Variants in PM20D1 observed in about 807,000 individuals in gnomAD.
PM20D1 encodes N-fatty-acyl-amino acid synthase/hydrolase PM20D1.
Under a neutral mutation model 53.8 loss-of-function variants are expected in PM20D1, and 53 were observed. That is an observed-to-expected ratio of 0.98 (90% CI 0.79 to 1.24). The LOEUF (loss-of-function observed/expected upper bound fraction) is 1.24. Ranked by LOEUF, PM20D1 falls within the 50% of genes most tolerant of loss-of-function variation. The pLI, the probability that PM20D1 is intolerant of heterozygous loss-of-function variation, is 0.00. For missense variants in PM20D1, 564 were observed against 616.8 expected, an observed-to-expected ratio of 0.91 and a Z score of 0.91; for synonymous variants, 239 against 241.3, an observed-to-expected ratio of 0.99 and a Z score of 0.09.
intron 6 of PM20D1, among the ~76,000 whole-genome samples, 161 bp downstream of exon 6, chr1:205,843,506 T>A (rs866950580): frequency 6.6e-6 from 1 of 152,240 alleles, no homozygotes; most frequent in East Asian, 1.9e-4. Context: ...TAGTCTGTCC[T>A]GGGCTTCCCC....
rs35289636 is a variant in PM20D1, at chr1:205,831,566, C to CT, written c.1285+1031dup. Among the ~76,000 whole-genome samples, 313 of 127,852 alleles carry CT rather than the reference C, an allele frequency of 2.4e-3. 1 individual carries two copies. The highest frequency in any genetic ancestry group is 3.8e-3 in the Non-Finnish European group (222 of 58,934). The allele number at this position is 127,852 out of a possible 152,430, so 83.9% of individuals were successfully genotyped here. On this transcript the variant is annotated intron_variant, in intron 11 of 12. Coordinates refer to ENST00000367136, the MANE Select transcript of PM20D1 (RefSeq NM_152491.5). ...ATTATTATTGAGCAACGTCTCTCTC[C>CT]TTTTTTTTTTTTTTTTTGACAGAGT...
rs777075181 is a variant in PM20D1, at chr1:205,840,220, A to C, written c.1116+32T>G. On this transcript the variant is annotated intron_variant, in intron 10 of 12. Transcript: ENST00000367136. ...GAGGGCCACATCTCCCTGATGCTGC[A>C]TGAGTTGTTGTCTGGAACATATGGT... 9 of 1,589,460 alleles carry C rather than the reference A, an allele frequency of 5.7e-6. No homozygotes were observed. The South Asian group carries it at 9.0e-5, about 16-fold the overall frequency.
At chr1:205,849,182 C>T (rs1275927376) in intron 1 of PM20D1, among the ~76,000 whole-genome samples, 1 of 152,154 alleles carries the variant, frequency 6.6e-6, no homozygotes, top group Non-Finnish European at 1.5e-5. Context: ...AAGACTGGAG[C>T]TAAGCTGAAT....
Position 205,843,763 on chromosome 1 carries a change from G to A in PM20D1, c.731C>T (p.Ser244Phe). The change falls in exon 6 of 13, where the codon TCC becomes TTC. Residue 244 changes from serine to phenylalanine, a missense_variant. Transcript: ENST00000367136. ...IALIAVSEKG[S>F]MNLMLQVNMT... ...GTTTACTTGCAGCATGAGGTTCATG[G>A]AACCCTTCTCTGAGACTGCAATCCT... 1 of 1,614,120 alleles carries A rather than the reference G, an allele frequency of 6.2e-7. No homozygotes were observed.
At chr1:205,840,197 G>C in intron 10 of PM20D1, 55 bp downstream of exon 10, 1 of 1,529,020 alleles carries the variant, frequency 6.5e-7, no homozygotes, top group African/African-American at 1.4e-5. Flanking sequence ...CGGGCCCTGA[G>C]GGCCACATCT....
rs536176681 is a variant in PM20D1 at position 205,842,745 on chromosome 1, C to T, written c.834G>A (p.Glu278=). The T allele has an allele frequency of 7.4e-6, 12 of 1,613,996 alleles. No individual in the cohort carries two copies. The East Asian group carries it at 2.7e-4, about 36-fold the overall frequency. The stretch of plus-strand genomic sequence containing the variant: ...CAAATATGATAGGCATTGGTGTCTG[C>T]TCCAATCTGGAAGAGAAACAGAGTC... ...GILAAAVSRL[E]QTPMPIIFGS... is the part of the protein sequence containing the mutation. Residue 278 remains glutamate, a synonymous_variant, in exon 7 of 13, where the codon GAG becomes GAA. Coordinates refer to ENST00000367136, the MANE Select transcript of PM20D1 (RefSeq NM_152491.5).
At chr1:205,847,006 CT>C (rs778538865) in intron 2 of PM20D1, among the ~76,000 whole-genome samples, 1,947 of 44,626 alleles carry the variant, frequency 0.044, 11 homozygotes, top group Non-Finnish European at 0.051. Context: ...TCCTTCCTTT[CT>C]TTTTTTTTTT....
chr1:205,832,612 T>C lies in PM20D1; in HGVS notation c.1271A>G (p.Asn424Ser). The change falls in exon 11 of 13, where the codon AAT becomes AGT. Residue 424 changes from asparagine (N) to serine (S), a missense_variant. Transcript: ENST00000367136. Reference sequence around the variant, plus strand: ...GAAGTCATTACCTGGGGCAGTAATATTGACTTCCGGGAAGACGGACTGTAC... The same window carrying C: ...GAAGTCATTACCTGGGGCAGTAATACTGACTTCCGGGAAGACGGACTGTAC... ...QTVQSVFPEV[N>S]ITAPVTSIGN... 6.2e-7 allele frequency: 1 copy of C among 1,614,092 alleles called. No individual in the cohort carries two copies. The highest frequency in any genetic ancestry group is 8.5e-7 in the Non-Finnish European group (1 of 1,180,004).
chr1:205,835,405 C>T (rs932526543), intron 10 of PM20D1, among the ~76,000 whole-genome samples: 5 of 152,210 alleles, frequency 3.3e-5, no homozygotes, highest in African/African-American at 1.2e-4. Flanking sequence ...TGGTGGTGAC[C>T]ATTACTGGAG....
chr1:205,844,718 C>A, intron 4 of PM20D1, 93 bp downstream of exon 4: 2 of 1,171,434 alleles, frequency 1.7e-6, no homozygotes, highest in Non-Finnish European at 2.5e-6. Flanking sequence ...TCATGGAGAC[C>A]TTGCTGCTGT....
rs543861795 is a variant in PM20D1, at chr1:205,844,351, G to A, written c.577-134C>T. The A allele has an allele frequency of 8.6e-4, 936 of 1,093,214 alleles. 3 individuals carry two copies. Among genetic ancestry groups the A allele is most frequent in the Non-Finnish European group, 1.1e-3 (902 of 805,936 alleles). 67.7% of individuals were successfully genotyped at this position (1,093,214 alleles called of 1,614,324 possible). On this transcript the variant is annotated intron_variant, in intron 4 of 12. Coordinates refer to ENST00000367136, the MANE Select transcript of PM20D1 (RefSeq NM_152491.5). ...CCTAGTCTCCTTCCTGGGAGCCAGG[G>A]CCCTAGAGAATCCTGCCTTACAGAA...
chr1:205,841,261 C>G (rs1656800685), intron 9 of PM20D1, among the ~76,000 whole-genome samples: 1 of 152,150 alleles, frequency 6.6e-6, no homozygotes, highest in Non-Finnish European at 1.5e-5. Flanking sequence ...GCATATCTTT[C>G]TTTGAACTCG....
chr1:205,840,359 A>G lies in PM20D1; in HGVS notation c.1045-36T>C, dbSNP rs535981622. The stretch of plus-strand genomic sequence containing the variant: ...AAGCACAAAACCCTGGCTTGAGTCA[A>G]CCTCAAATCTTCTACATCTGCCTGC... On this transcript the variant is annotated intron_variant, in intron 9 of 12. Coordinates refer to ENST00000367136, the MANE Select transcript of PM20D1 (RefSeq NM_152491.5). 4.4e-6 allele frequency: 7 copies of G among 1,580,592 alleles called. No homozygotes were observed. The African/African-American group carries it at 8.1e-5, about 18-fold the overall frequency.
chr1:205,839,910 CAAAAAAAAAAAAAAAAAAA>C (rs567749262), intron 10 of PM20D1, among the ~76,000 whole-genome samples: 3 of 58,086 alleles, frequency 5.2e-5, no homozygotes, highest in Non-Finnish European at 8.4e-5. Flanking sequence ...GACTCTGACT[CAAAAAAAAAAAAAAAAAAA>C]AAAAAAAAAG....
rs1172669122 is a variant in PM20D1 at position 205,841,843 on chromosome 1, T to A, written c.1012A>T (p.Thr338Ser). ...CCTGCTTTGAATATGGTGAGTGCCGTGGTGGTCCTGATTATTGCATTGGTT... is the reference window on the plus strand; with the variant it reads ...CCTGCTTTGAATATGGTGAGTGCCGAGGTGGTCCTGATTATTGCATTGGTT... ...PLTNAIIRTT[T>S]ALTIFKAGVK... The change falls in exon 9 of 13, where the codon ACG (threonine) becomes TCG (serine). Residue 338 changes from threonine to serine, a missense_variant. Transcript: ENST00000367136. 1 of 1,569,806 alleles carries A rather than the reference T, an allele frequency of 6.4e-7. No homozygotes were observed. Among genetic ancestry groups the A allele is most frequent in the Non-Finnish European group, 8.7e-7 (1 of 1,154,582 alleles).
At chr1:205,844,648 G>C (rs934609939) in intron 4 of PM20D1, among the ~76,000 whole-genome samples, 163 bp downstream of exon 4, 1 of 152,184 alleles carries the variant, frequency 6.6e-6, no homozygotes, top group African/African-American at 2.4e-5. Flanking sequence ...CTGAATTTTG[G>C]TCAAGGTCCT....
chr1:205,838,985 T>C (rs1219248673), intron 10 of PM20D1, among the ~76,000 whole-genome samples: 1 of 152,222 alleles, frequency 6.6e-6, no homozygotes, highest in Non-Finnish European at 1.5e-5. Context: ...AATAGCTCTC[T>C]GTCTCCTTCT....
At position 205,830,212 on chromosome 1, in the gene PM20D1, G is replaced by C. The variant is rs1558089523; in HGVS notation, c.1385+68C>G. The C allele has an allele frequency of 5.0e-6, 6 of 1,205,540 alleles. No individual in the cohort carries two copies. The East Asian group carries it at 1.4e-4, about 28-fold the overall frequency. 74.7% of individuals were successfully genotyped at this position (1,205,540 alleles called of 1,614,324 possible). A position where few individuals can be genotyped will look rare whatever the true frequency, so the allele number is the denominator to read the frequency against. ...GATTCTGTGGACTGCCAGGAGCATG[G>C]GGTAGGAAAAGGACACATCAAGTGT... On this transcript the variant is annotated intron_variant, in intron 12 of 12. Transcript: ENST00000367136.
Position 205,840,232 on chromosome 1 carries a change from C to G in PM20D1, c.1116+20G>C. 6.2e-7 allele frequency: 1 copy of G among 1,606,546 alleles called. No individual in the cohort carries two copies. Among genetic ancestry groups the G allele is most frequent in the Non-Finnish European group, 8.5e-7 (1 of 1,174,582 alleles). On this transcript the variant is annotated intron_variant, in intron 10 of 12. Coordinates refer to ENST00000367136, the MANE Select transcript of PM20D1 (RefSeq NM_152491.5). ...TCCCTGATGCTGCATGAGTTGTTGT[C>G]TGGAACATATGGTACATACCTCTTG...
Sources: allele counts gnomAD v4.1 joint callset (sites outside exome capture counted in the v4.1 genomes callset), GRCh38; gene constraint gnomAD v4.1.1; transcripts MANE v1.5; gene names NCBI Gene and HGNC (gene_info 2026-07-23, HGNC 2026-07-21).